The following MRPL48 variants were observed in gnomAD, a reference collection of about 807,000 sequenced individuals.
The protein encoded by MRPL48 is mitochondrial ribosomal protein L48.
In MRPL48, 16 loss-of-function variants were observed where a neutral mutation model predicts 32.9. The ratio of observed to expected loss-of-function variants is 0.49; its 90% CI spans 0.33 to 0.74. The LOEUF (loss-of-function observed/expected upper bound fraction) is 0.74, where lower values mean the gene tolerates loss of function less well. Ranked by LOEUF, MRPL48 falls within the 30% of genes least tolerant of loss-of-function variation. MRPL48 has a pLI of 0.02. For synonymous variants in MRPL48, 94 were observed against 89.2 expected (o/e 1.05, Z -0.31); for missense variants, 206 against 245.3 (o/e 0.84, Z 1.07).
chr11:73,813,695 T>C (rs1481261327), intron 3 of MRPL48, among the ~76,000 whole-genome samples: 1 of 152,164 alleles, frequency 6.6e-6, no homozygotes, highest in Non-Finnish European at 1.5e-5. Flanking sequence ...TAATCTTTGA[T>C]TTCTAGATTT....
At chr11:73,798,112 C>T (rs1405759559) in intron 1 of MRPL48, among the ~76,000 whole-genome samples, 6 of 152,084 alleles carry the variant, frequency 3.9e-5, no homozygotes, top group East Asian at 1.9e-4. Context: ...GACAGAGTCT[C>T]GCTCTGTCGC....
In MRPL48 at chr11:73,859,921, C is replaced by T. The variant is rs1948554404; in HGVS notation, c.386C>T (p.Thr129Ile). Reference protein sequence around the residue: ...IKVEESYAMPTKTIEVLQLQD... With the variant: ...IKVEESYAMPIKTIEVLQLQD... ...CCTTCCCACAGTTATGCAATGCCAACCAAAACCATAGAAGTGTTGCAGTTG... is the reference window on the plus strand; with the variant it reads ...CCTTCCCACAGTTATGCAATGCCAATCAAAACCATAGAAGTGTTGCAGTTG... Residue 129 changes from threonine to isoleucine, a missense_variant, in exon 6 of 8, where the codon ACC (threonine) becomes ATC (isoleucine). By Grantham distance (89) the Thr-to-Ile change is moderately conservative (BLOSUM62 -1). Coordinates refer to ENST00000310614, the MANE Select transcript of MRPL48 (RefSeq NM_016055.6). 1.9e-6 allele frequency: 3 copies of T among 1,613,714 alleles called. No individual in the cohort carries two copies. The highest frequency in any genetic ancestry group is 2.5e-6 in the Non-Finnish European group (3 of 1,179,820).
At chr11:73,847,597 T>C (rs1007261560) in intron 5 of MRPL48, among the ~76,000 whole-genome samples, 5 of 152,224 alleles carry the variant, frequency 3.3e-5, no homozygotes, top group South Asian at 4.1e-4. Context: ...CCTGCCACCA[T>C]GCCCAGCTAA....
chr11:73,840,495 GT>G (rs1948169077), intron 4 of MRPL48, among the ~76,000 whole-genome samples: 1 of 151,988 alleles, frequency 6.6e-6, no homozygotes, highest in Non-Finnish European at 1.5e-5. Flanking sequence ...CCCTGTTGTT[GT>G]TTTTTGTTTT....
At chr11:73,805,555 C>CA (rs1947434117) in intron 2 of MRPL48, among the ~76,000 whole-genome samples, 1 of 151,766 alleles carries the variant, frequency 6.6e-6, no homozygotes, top group African/African-American at 2.4e-5. Context: ...CTCGGCCTCC[C>CA]AAATTGCTGG....
intron 4 of MRPL48, among the ~76,000 whole-genome samples, chr11:73,830,838 T>G (rs528478303): frequency 6.6e-6 from 1 of 151,966 alleles, no homozygotes; most frequent in South Asian, 2.1e-4. Flanking sequence ...ACTGTTTTTA[T>G]CTCTTTCTTT....
intron 4 of MRPL48, among the ~76,000 whole-genome samples, chr11:73,838,671 C>T (rs1353875605): frequency 6.6e-6 from 1 of 152,196 alleles, no homozygotes; most frequent in Non-Finnish European, 1.5e-5. Flanking sequence ...GTGTTGGGCT[C>T]TGAAGAGGAG....
At chr11:73,851,375 T>G (rs1484331279) in intron 5 of MRPL48, among the ~76,000 whole-genome samples, 1 of 152,224 alleles carries the variant, frequency 6.6e-6, no homozygotes, top group Non-Finnish European at 1.5e-5. Context: ...TAGGGTCTTA[T>G]TTTAAGTCCT....
At chr11:73,827,864 T>C (rs1744820241) in intron 4 of MRPL48, among the ~76,000 whole-genome samples, 1 of 152,170 alleles carries the variant, frequency 6.6e-6, no homozygotes, top group Non-Finnish European at 1.5e-5. Context: ...CCTACTAAAA[T>C]TGTTCCTTTG....
chr11:73,849,303 A>T (rs751607009), intron 5 of MRPL48, among the ~76,000 whole-genome samples: 4 of 151,224 alleles, frequency 2.6e-5, no homozygotes, highest in Non-Finnish European at 4.4e-5. Context: ...CACCCGGCTT[A>T]TGTTTGTATT....
intron 1 of MRPL48, among the ~76,000 whole-genome samples, chr11:73,800,961 G>A (rs1019166053): frequency 6.6e-6 from 1 of 151,778 alleles, no homozygotes; most frequent in Non-Finnish European, 1.5e-5. Context: ...ACAGGCATGC[G>A]CCACCACGCC....
chr11:73,857,721 C>T (rs973368434), intron 5 of MRPL48, among the ~76,000 whole-genome samples: 7 of 150,378 alleles, frequency 4.7e-5, no homozygotes, highest in Middle Eastern at 3.2e-3. Context: ...CAGCCTCCTG[C>T]GTAGCTGGGA....
At chr11:73,827,656 A>G (rs1259181932) in intron 4 of MRPL48, among the ~76,000 whole-genome samples, 2 of 152,186 alleles carry the variant, frequency 1.3e-5, no homozygotes, top group African/African-American at 4.8e-5. Flanking sequence ...GCTTATTTTA[A>G]TGCTCCCACG....
At position 73,790,984 on chromosome 11, in the gene MRPL48, C is replaced by A. The variant is rs531548975; in HGVS notation, c.21+2992C>A. Among the ~76,000 whole-genome samples the A allele has an allele frequency of 3.3e-5, 5 of 149,654 alleles. No individual in the cohort carries two copies. In the East Asian group the frequency reaches 1.0e-3, roughly 30 times the overall value. ...CACTGCAGCCCCGATATCCCGGGCTCAGGTGATTCTCCCACCTCAGCCTCC... is the reference window on the plus strand; with the variant it reads ...CACTGCAGCCCCGATATCCCGGGCTAAGGTGATTCTCCCACCTCAGCCTCC... On this transcript the variant is annotated intron_variant, in intron 1 of 7. Coordinates refer to ENST00000310614, the MANE Select transcript of MRPL48 (RefSeq NM_016055.6).
At chr11:73,826,220 G>A (rs1272364030) in intron 4 of MRPL48, among the ~76,000 whole-genome samples, 3 of 151,870 alleles carry the variant, frequency 2.0e-5, no homozygotes, top group Non-Finnish European at 2.9e-5. Flanking sequence ...GGGTCTTGCT[G>A]TATTGCCCAG....
At chr11:73,848,436 A>G (rs1172136760) in intron 5 of MRPL48, among the ~76,000 whole-genome samples, 1 of 151,186 alleles carries the variant, frequency 6.6e-6, no homozygotes, top group Non-Finnish European at 1.5e-5. Flanking sequence ...TTGGTTTTCC[A>G]TAAAAATTTT....
chr11:73,817,621 CTATT>C (rs1947700846), intron 3 of MRPL48, among the ~76,000 whole-genome samples: 1 of 152,192 alleles, frequency 6.6e-6, no homozygotes, highest in South Asian at 2.1e-4. Flanking sequence ...CATTTACTTG[CTATT>C]TATTTATTCT....
At chr11:73,838,885 C>G (rs1948145781) in intron 4 of MRPL48, among the ~76,000 whole-genome samples, 1 of 152,160 alleles carries the variant, frequency 6.6e-6, no homozygotes, top group South Asian at 2.1e-4. Flanking sequence ...ACACATTTAT[C>G]TGTTTGGGCT....
At chr11:73,856,729 C>T (rs912494067) in intron 5 of MRPL48, among the ~76,000 whole-genome samples, 2 of 152,160 alleles carry the variant, frequency 1.3e-5, no homozygotes, top group South Asian at 2.1e-4. Flanking sequence ...TAGCAGACTT[C>T]CTTTTGTCCC....
Sources: allele counts gnomAD v4.1 joint callset (sites outside exome capture counted in the v4.1 genomes callset), GRCh38; gene constraint gnomAD v4.1.1; transcripts MANE v1.5; gene names NCBI Gene and HGNC (gene_info 2026-07-23, HGNC 2026-07-21).